Variants in CSTPP1 observed in about 807,000 individuals in gnomAD.
CSTPP1 encodes UPF0705 protein C11orf49.
At chr11:46,965,403 T>A in the CSTPP1 span, among the ~76,000 whole-genome samples, 4 of 152,058 alleles carry the variant, frequency 2.6e-5, no homozygotes, top group Non-Finnish European at 5.9e-5. Flanking sequence ...TTTTGTATTT[T>A]TAGTAGAGAT....
At chr11:46,964,137 T>C in the CSTPP1 span, among the ~76,000 whole-genome samples, 1 of 152,152 alleles carries the variant, frequency 6.6e-6, no homozygotes, top group East Asian at 1.9e-4. Flanking sequence ...TTAAAATCTT[T>C]CACTAACTCC....
At chr11:47,140,962 G>C in the CSTPP1 span, among the ~76,000 whole-genome samples, 7 of 152,090 alleles carry the variant, frequency 4.6e-5, no homozygotes, top group Admixed American at 4.6e-4. Flanking sequence ...TTAGCCGGGC[G>C]TGTTGGCGGG....
chr11:46,964,217 A>G, the CSTPP1 span, among the ~76,000 whole-genome samples: 1 of 151,476 alleles, frequency 6.6e-6, no homozygotes, highest in East Asian at 1.9e-4. Flanking sequence ...CAATTCTTCC[A>G]TCAAACTGTT....
At chr11:47,152,177 G>A in the CSTPP1 span, among the ~76,000 whole-genome samples, 1 of 151,782 alleles carries the variant, frequency 6.6e-6, no homozygotes, top group African/African-American at 2.4e-5. Flanking sequence ...CTGAACCTAG[G>A]AGGCGGAGGT....
chr11:46,961,361 T>C, the CSTPP1 span, among the ~76,000 whole-genome samples: 2 of 152,230 alleles, frequency 1.3e-5, no homozygotes, highest in African/African-American at 2.4e-5. Context: ...CAAGGGTTTG[T>C]CTTCTTGGAG....
the CSTPP1 span, among the ~76,000 whole-genome samples, chr11:47,144,613 T>C: frequency 1.3e-5 from 2 of 152,114 alleles, no homozygotes; most frequent in Admixed American, 6.6e-5. Flanking sequence ...TTCACAGCAA[T>C]CAGAAAATAA....
the CSTPP1 span, among the ~76,000 whole-genome samples, chr11:47,046,104 T>A: frequency 6.6e-6 from 1 of 152,050 alleles, no homozygotes; most frequent in Non-Finnish European, 1.5e-5. Context: ...AATTTTTACA[T>A]TTAAAAAGGT....
the CSTPP1 span, among the ~76,000 whole-genome samples, chr11:47,119,408 TC>T: frequency 2.0e-5 from 3 of 152,100 alleles, no homozygotes; most frequent in Admixed American, 2.0e-4. Flanking sequence ...CCCTTGTGCT[TC>T]CTGGGTGAGG....
At chr11:47,036,058 A>ATATATATATATAT in the CSTPP1 span, among the ~76,000 whole-genome samples, 3 of 27,134 alleles carry the variant, frequency 1.1e-4, 1 homozygote, top group Non-Finnish European at 1.9e-4. Context: ...TATATATATT[A>ATATATATATATAT]TATATATATA....
the CSTPP1 span, among the ~76,000 whole-genome samples, chr11:47,153,128 T>C: frequency 1.1e-4 from 16 of 152,256 alleles, no homozygotes; most frequent in East Asian, 7.7e-4. Flanking sequence ...GCTCCCTCAA[T>C]CCAGATGTCA....
the CSTPP1 span, among the ~76,000 whole-genome samples, chr11:47,013,239 TTGTTG>T: frequency 6.6e-6 from 1 of 150,570 alleles, no homozygotes; most frequent in African/African-American, 2.4e-5. Context: ...TTATTTATTG[TTGTTG>T]TTTTGTTTTG....
At chr11:47,161,174 G>A in the CSTPP1 span, 1 of 1,614,212 alleles carries the variant, frequency 6.2e-7, no homozygotes, top group Non-Finnish European at 8.5e-7. Flanking sequence ...AGCAATGGAT[G>A]AAGAGCTGGA....
At chr11:47,139,778 ATGT>A in the CSTPP1 span, among the ~76,000 whole-genome samples, 3 of 152,118 alleles carry the variant, frequency 2.0e-5, no homozygotes, top group Admixed American at 2.0e-4. Flanking sequence ...ACGGGTGACA[ATGT>A]TGTGCGAATA....
At chr11:47,162,570 T>G in the CSTPP1 span, among the ~76,000 whole-genome samples, 1 of 152,092 alleles carries the variant, frequency 6.6e-6, no homozygotes, top group Non-Finnish European at 1.5e-5. Context: ...AGCACCTGCT[T>G]GGGGTTAGAA....
chr11:47,103,668 G>A, the CSTPP1 span: 5 of 133,960 alleles, frequency 3.7e-5, no homozygotes, highest in Admixed American at 4.6e-4. Context: ...CAATAGAATG[G>A]CCTTTTTTTT....
At chr11:47,084,811 A>G in the CSTPP1 span, among the ~76,000 whole-genome samples, 6 of 152,288 alleles carry the variant, frequency 3.9e-5, no homozygotes, top group Admixed American at 6.5e-5. Context: ...TATTCATTCA[A>G]GGCCCTTTGC....
the CSTPP1 span, among the ~76,000 whole-genome samples, chr11:47,017,306 C>G: frequency 6.6e-6 from 1 of 151,702 alleles, no homozygotes; most frequent in East Asian, 2.0e-4. Context: ...ACCCGAGTAG[C>G]TGGGACTACA....
chr11:47,153,692 A>T, the CSTPP1 span, among the ~76,000 whole-genome samples: 1 of 152,224 alleles, frequency 6.6e-6, no homozygotes, highest in Non-Finnish European at 1.5e-5. Context: ...GCAGTAGGGC[A>T]CTCAGGAAAT....
chr11:47,032,924 A>G, the CSTPP1 span, among the ~76,000 whole-genome samples: 2 of 152,246 alleles, frequency 1.3e-5, no homozygotes, highest in Non-Finnish European at 2.9e-5. Context: ...TAGCATTAAA[A>G]CAGTTGATTA....
Sources: allele counts gnomAD v4.1 joint callset (sites outside exome capture counted in the v4.1 genomes callset), GRCh38; gene constraint gnomAD v4.1.1; transcripts MANE v1.5; gene names NCBI Gene and HGNC (gene_info 2026-07-23, HGNC 2026-07-21).